SOX5: variants seen among roughly 807,000 people sequenced by gnomAD.
The protein encoded by SOX5 is transcription factor SOX-5.
SOX5 carries 9 observed loss-of-function variants against 92.0 expected under a neutral mutation model. That is an observed-to-expected ratio of 0.10 (90% confidence interval 0.06 to 0.17). The LOEUF is 0.17. Ranked by LOEUF, SOX5 falls within the 10% of genes least tolerant of loss-of-function variation. The pLI, the probability that SOX5 is intolerant of heterozygous loss-of-function variation, is 1.00. For missense variants in SOX5, 642 were observed against 944.5 expected, an observed-to-expected ratio of 0.68 and a Z score of 4.20; for synonymous variants, 344 against 336.3, an observed-to-expected ratio of 1.02 and a Z score of -0.25.
At chr12:23,557,439 T>C (rs1013365151) in intron 11 of SOX5, among the ~76,000 whole-genome samples, 1 of 152,220 alleles carries the variant, frequency 6.6e-6, no homozygotes, top group African/African-American at 2.4e-5. Context: ...AGGTACACTG[T>C]AGGCAATTAA....
At chr12:23,812,931 C>G (rs533964373) in intron 3 of SOX5, among the ~76,000 whole-genome samples, 1 of 152,232 alleles carries the variant, frequency 6.6e-6, no homozygotes, top group African/African-American at 2.4e-5. Context: ...ATTGTGAGAA[C>G]TAAAATTGCT....
chr12:24,509,182 T>C (rs4963573), intron 1 of SOX5, among the ~76,000 whole-genome samples: 43,593 of 152,148 alleles, frequency 0.29, 7,408 homozygotes, highest in East Asian at 0.75. Flanking sequence ...AAATGAAGCC[T>C]ATGAACTATA....
intron 6 of SOX5, among the ~76,000 whole-genome samples, chr12:23,684,621 AG>A (rs1403892389): frequency 6.6e-6 from 1 of 152,132 alleles, no homozygotes; most frequent in Non-Finnish European, 1.5e-5. Context: ...ATAGGCCTAT[AG>A]AAAAATGTAC....
At chr12:24,235,776 T>A (rs1251297811) in intron 3 of SOX5, among the ~76,000 whole-genome samples, 3 of 152,256 alleles carry the variant, frequency 2.0e-5, no homozygotes, top group African/African-American at 7.2e-5. Flanking sequence ...CTTTTGAGAC[T>A]AATACAATTA....
intron 7 of SOX5, among the ~76,000 whole-genome samples, chr12:23,646,992 T>A (rs1592913900): frequency 6.6e-6 from 1 of 152,242 alleles, no homozygotes. Context: ...CATTTATAAT[T>A]GTAAATCTTT....
intron 11 of SOX5, among the ~76,000 whole-genome samples, chr12:23,548,900 T>C (rs974885494): frequency 1.3e-5 from 2 of 151,922 alleles, no homozygotes; most frequent in Non-Finnish European, 2.9e-5. Flanking sequence ...TTGAATGGCA[T>C]ATAGGAGGGG....
intron 1 of SOX5, among the ~76,000 whole-genome samples, chr12:24,527,980 A>C (rs540295670): frequency 2.5e-4 from 38 of 152,354 alleles, no homozygotes; most frequent in African/African-American, 8.9e-4. Context: ...TACTTGATTT[A>C]TGTGGCTGAC....
At chr12:24,544,408 T>C (rs1274370352) in intron 1 of SOX5, among the ~76,000 whole-genome samples, 4 of 152,122 alleles carry the variant, frequency 2.6e-5, no homozygotes, top group South Asian at 4.1e-4. Context: ...TATACATTGA[T>C]AAATCTGAAA....
intron 4 of SOX5, among the ~76,000 whole-genome samples, chr12:24,171,390 A>AT (rs1402797081): frequency 6.6e-6 from 1 of 151,064 alleles, no homozygotes; most frequent in Admixed American, 6.6e-5. Context: ...CACCCGGCTA[A>AT]TTTTTTGTAT....
chr12:24,187,315 T>C (rs1956112829), intron 4 of SOX5, among the ~76,000 whole-genome samples: 1 of 152,242 alleles, frequency 6.6e-6, no homozygotes, highest in South Asian at 2.1e-4. Flanking sequence ...ACTGAAGTCC[T>C]GCTGCTTTCT....
intron 6 of SOX5, among the ~76,000 whole-genome samples, chr12:23,683,211 G>T (rs1448384276): frequency 2.0e-5 from 3 of 151,836 alleles, no homozygotes; most frequent in Admixed American, 6.6e-5. Flanking sequence ...TCTAAATCCA[G>T]AAGAAGGAAA....
chr12:23,726,931 C>T (rs562060002), intron 6 of SOX5, among the ~76,000 whole-genome samples: 13 of 152,164 alleles, frequency 8.5e-5, no homozygotes, highest in East Asian at 1.9e-4. Context: ...ACCACAGCAA[C>T]GCTAACCAAA....
intron 4 of SOX5, among the ~76,000 whole-genome samples, chr12:24,162,536 A>G (rs545312569): frequency 2.0e-5 from 3 of 152,272 alleles, no homozygotes; most frequent in African/African-American, 7.2e-5. Flanking sequence ...AGGAAACTTA[A>G]CAACTTATTT....
chr12:23,816,806 C>T (rs2096004501), intron 3 of SOX5, among the ~76,000 whole-genome samples: 1 of 152,110 alleles, frequency 6.6e-6, no homozygotes, highest in Admixed American at 6.5e-5. Context: ...ACTATGCCCA[C>T]TTTAATACAG....
chr12:24,508,624 G>A (rs1949023106), intron 1 of SOX5, among the ~76,000 whole-genome samples: 1 of 152,170 alleles, frequency 6.6e-6, no homozygotes, highest in Admixed American at 6.5e-5. Flanking sequence ...ATATGCAGCA[G>A]CTGAAACCCC....
rs35701814 is a variant in SOX5, at chr12:23,784,408, G to T, written c.482-28684C>A. 9.0e-3 allele frequency among the ~76,000 whole-genome samples: 1,365 copies of T among 151,960 alleles called. 25 individuals carry two copies. Among genetic ancestry groups the T allele is most frequent in the African/African-American group, 0.031 (1,298 of 41,466 alleles). Reference sequence around the variant, plus strand: ...GTGGCATGATCTCTGCTCACTGCAGGTTCCGCCTCCCGGGTTCACGCCATT... The same window carrying T: ...GTGGCATGATCTCTGCTCACTGCAGTTTCCGCCTCCCGGGTTCACGCCATT... On this transcript the variant is annotated intron_variant, in intron 3 of 14. Coordinates refer to ENST00000451604, the MANE Select transcript of SOX5 (RefSeq NM_006940.6).
Position 24,422,160 on chromosome 12 carries a change from T to C in SOX5, c.-250-53521A>G, listed in dbSNP as rs76206654. On this transcript the variant is annotated intron_variant, in intron 1 of 4. Transcript: ENST00000446891. ...AATGCTTATTGTTCTTAATGAAAGC[T>C]ATTCATTACACTCATTGCTGTAGTT... is the stretch of plus-strand genomic sequence containing the variant. 4.5e-3 allele frequency among the ~76,000 whole-genome samples: 684 copies of C among 152,350 alleles called. 11 individuals carry two copies. The East Asian group carries it at 0.051, about 11-fold the overall frequency.
At chr12:23,839,905 T>C (rs1003935937) in intron 3 of SOX5, among the ~76,000 whole-genome samples, 3 of 149,658 alleles carry the variant, frequency 2.0e-5, no homozygotes, top group African/African-American at 7.4e-5. Flanking sequence ...TTCCCCTTTA[T>C]AATCAAGAAC....
At chr12:24,077,462 C>G (rs1942767430) in intron 4 of SOX5, among the ~76,000 whole-genome samples, 2 of 151,886 alleles carry the variant, frequency 1.3e-5, no homozygotes, top group Admixed American at 6.6e-5. Context: ...TTTCTAAACT[C>G]TTCCCCTTCA....
Sources: allele counts gnomAD v4.1 joint callset (sites outside exome capture counted in the v4.1 genomes callset), GRCh38; gene constraint gnomAD v4.1.1; transcripts MANE v1.5; gene names NCBI Gene and HGNC (gene_info 2026-07-23, HGNC 2026-07-21).